Variants in CTBP2 observed in about 807,000 individuals in gnomAD.
The protein encoded by CTBP2 is C-terminal binding protein 2, also known as C-terminal-binding protein 2.
Under a neutral mutation model 80.3 loss-of-function variants are expected in CTBP2, and 30 were observed. The ratio of observed to expected loss-of-function variants is 0.37; its 90% confidence interval spans 0.28 to 0.51. CTBP2 has a LOEUF of 0.51. CTBP2 is among the 20% of genes least tolerant of loss of function. The pLI is 0.93. For missense variants in CTBP2, 1,212 were observed against 1,375.3 expected, an observed-to-expected ratio of 0.88 and a Z score of 1.88; for synonymous variants, 594 against 587.4, an observed-to-expected ratio of 1.01 and a Z score of -0.16.
At chr10:125,056,164 C>CA (rs1554891337) in intron 2 of CTBP2, among the ~76,000 whole-genome samples, 3 of 138,030 alleles carry the variant, frequency 2.2e-5, no homozygotes, top group Admixed American at 7.0e-5. Flanking sequence ...GATTGTGTCT[C>CA]AAAAATAAAA....
intron 2 of CTBP2, among the ~76,000 whole-genome samples, chr10:125,059,785 C>A (rs1407356835): frequency 2.0e-5 from 3 of 152,158 alleles, no homozygotes; most frequent in African/African-American, 7.2e-5. Flanking sequence ...CCCGCCCACC[C>A]CCACCAGCTC....
intron 1 of CTBP2, among the ~76,000 whole-genome samples, chr10:125,159,353 C>G (rs183159543): frequency 4.1e-5 from 6 of 145,194 alleles, no homozygotes; most frequent in Non-Finnish European, 6.1e-5. Flanking sequence ...CGGCGGCGGG[C>G]GAGGAGGAAG....
At chr10:125,111,306 C>T (rs1184671097) in intron 1 of CTBP2, among the ~76,000 whole-genome samples, 4 of 152,202 alleles carry the variant, frequency 2.6e-5, no homozygotes, top group African/African-American at 7.2e-5. Context: ...TGAACCCTTT[C>T]CATCTATTTT....
At chr10:125,063,992 G>C (rs769145977) in intron 2 of CTBP2, among the ~76,000 whole-genome samples, 6 of 152,158 alleles carry the variant, frequency 3.9e-5, no homozygotes, top group Non-Finnish European at 7.4e-5. Context: ...CAACTTTAGA[G>C]GCCATCGTAA....
intron 5 of CTBP2, 68 bp from the exon 8 acceptor site, chr10:124,994,053 A>G: frequency 6.3e-7 from 1 of 1,587,482 alleles, no homozygotes; most frequent in Non-Finnish European, 8.6e-7. Flanking sequence ...ACCAAGGTTT[A>G]AAGAAGAAAG....
chr10:125,129,849 C>T (rs143022897), intron 1 of CTBP2, among the ~76,000 whole-genome samples: 424 of 152,130 alleles, frequency 2.8e-3, no homozygotes, highest in African/African-American at 9.1e-3. Flanking sequence ...AACCTCTGCC[C>T]GTGAGCTCAA....
intron 1 of CTBP2, chr10:125,137,905 C>G (rs1460482988): frequency 6.6e-6 from 1 of 152,218 alleles, no homozygotes; most frequent in Non-Finnish European, 1.5e-5. Context: ...TACTCACTCA[C>G]GTGGCCTCTG....
chr10:125,130,484 C>G (rs1049975873), intron 1 of CTBP2, among the ~76,000 whole-genome samples: 1 of 152,144 alleles, frequency 6.6e-6, no homozygotes, highest in Non-Finnish European at 1.5e-5. Flanking sequence ...ACGACTTGGA[C>G]GCAGCTGCTG....
intron 1 of CTBP2, among the ~76,000 whole-genome samples, chr10:125,130,364 T>G (rs1855965618): frequency 6.6e-6 from 1 of 152,196 alleles, no homozygotes; most frequent in South Asian, 2.1e-4. Context: ...ACAGGACTTC[T>G]AGCCTTCCCT....
intron 1 of CTBP2, among the ~76,000 whole-genome samples, chr10:125,150,202 A>C (rs1859573754): frequency 6.6e-6 from 1 of 152,224 alleles, no homozygotes; most frequent in Non-Finnish European, 1.5e-5. Context: ...CATGGACCCA[A>C]GCCCTCCCTC....
chr10:125,036,449 A>T (rs759559328), intron 3 of CTBP2, among the ~76,000 whole-genome samples: 9 of 152,028 alleles, frequency 5.9e-5, no homozygotes, highest in Non-Finnish European at 5.9e-5. Flanking sequence ...CAAGCCTGGG[A>T]GCAGACCGGG....
chr10:125,023,522 G>A (rs1010941209), intron 1 of CTBP2, among the ~76,000 whole-genome samples: 7 of 152,254 alleles, frequency 4.6e-5, no homozygotes, highest in East Asian at 3.9e-4. Flanking sequence ...TGCCATAGCC[G>A]GCCAGGTCAG....
At chr10:125,046,537 C>CAAAAAAAAAAAAAAA (rs57913854) in intron 2 of CTBP2, among the ~76,000 whole-genome samples, 3 of 114,770 alleles carry the variant, frequency 2.6e-5, no homozygotes, top group African/African-American at 3.3e-5. Context: ...GACTCTATCT[C>CAAAAAAAAAAAAAAA]AAAAAAAAAA....
chr10:125,051,263 C>T (rs1446820758), intron 2 of CTBP2, among the ~76,000 whole-genome samples: 1 of 152,160 alleles, frequency 6.6e-6, no homozygotes, highest in Admixed American at 6.5e-5. Context: ...CCTGGAGGCC[C>T]ACTCCTCATG....
chr10:125,040,326 G>C (rs1959285833), intron 2 of CTBP2, among the ~76,000 whole-genome samples: 1 of 151,950 alleles, frequency 6.6e-6, no homozygotes, highest in South Asian at 2.1e-4. Context: ...ATGCTGGCAG[G>C]CACCTGTAAT....
At chr10:124,992,568 A>C in intron 8 of CTBP2, 127 bp downstream of exon 10, 1 of 623,026 alleles carries the variant, frequency 1.6e-6, no homozygotes, top group Non-Finnish European at 2.9e-6. Context: ...CCTGCTGAGA[A>C]GGCTGATTGT....
At chr10:125,124,990 G>C (rs898603967) in intron 1 of CTBP2, among the ~76,000 whole-genome samples, 3 of 152,126 alleles carry the variant, frequency 2.0e-5, no homozygotes, top group Admixed American at 2.0e-4. Context: ...ATGTACAGAC[G>C]CACGGCACTC....
At chr10:125,147,126 G>A (rs1858923859) in intron 1 of CTBP2, among the ~76,000 whole-genome samples, 1 of 152,214 alleles carries the variant, frequency 6.6e-6, no homozygotes, top group Admixed American at 6.5e-5. Flanking sequence ...AGGGAGCTAT[G>A]ATGATGACGT....
upstream of CTBP2, among the ~76,000 whole-genome samples, chr10:125,161,551 C>T (rs1388133690): frequency 4.6e-5 from 7 of 151,952 alleles, no homozygotes; most frequent in Admixed American, 1.3e-4. Context: ...CCCGCGGGGT[C>T]AGGCGCGGGC....
Sources: allele counts gnomAD v4.1 joint callset (sites outside exome capture counted in the v4.1 genomes callset), GRCh38; gene constraint gnomAD v4.1.1; transcripts MANE v1.5; gene names NCBI Gene and HGNC (gene_info 2026-07-23, HGNC 2026-07-21).